Variants in APOC4 observed in about 807,000 individuals in gnomAD.
APOC4 encodes the protein apolipoprotein C4, also known as apolipoprotein C-IV.
Under a neutral mutation model 8.4 loss-of-function variants are expected in APOC4, and 10 were observed. The ratio of observed to expected loss-of-function variants is 1.19; its 90% confidence interval spans 0.74 to 2.03. The LOEUF (loss-of-function observed/expected upper bound fraction) is 2.03. APOC4 is among the 30% of genes most tolerant of loss of function. The pLI, the probability that APOC4 is intolerant of heterozygous loss-of-function variation, is 0.00. For missense variants in APOC4, 160 were observed against 156.1 expected (o/e 1.02, Z -0.13); for synonymous variants, 59 against 65.8 (o/e 0.90, Z 0.50).
chr19:44,942,446 G>A (rs868455165), intron 1 of APOC4, 93 bp downstream of exon 1: 1 of 1,277,794 alleles, frequency 7.8e-7, no homozygotes, highest in Middle Eastern at 1.9e-4. Flanking sequence ...CGTGAGACAT[G>A]AGTACGGAGT....
intron 1 of APOC4, among the ~76,000 whole-genome samples, chr19:44,942,719 G>A (rs1332865913): frequency 6.6e-6 from 1 of 151,710 alleles, no homozygotes; most frequent in East Asian, 1.9e-4. Context: ...GGGTGAGTGT[G>A]TGCTGGTGTG....
chr19:44,942,928 T>C (rs1970275725), intron 1 of APOC4, among the ~76,000 whole-genome samples: 1 of 146,308 alleles, frequency 6.8e-6, no homozygotes, highest in Non-Finnish European at 1.5e-5. Flanking sequence ...GCCTGGCTAA[T>C]TTTTTTTTTT....
Position 44,945,298 on chromosome 19 carries a change from A to G in APOC4, c.377A>G (p.Gln126Arg). 6.2e-7 allele frequency: 1 copy of G among 1,613,050 alleles called. No homozygotes were observed. The highest frequency in any genetic ancestry group is 1.1e-5 in the South Asian group (1 of 91,042). The change falls in exon 3 of 3, where the codon CAG (glutamine) becomes CGG (arginine). Residue 126 changes from glutamine (Q) to arginine (R), a missense_variant. Transcript: ENST00000592954. ...AGGCTTGTCTGTGGGGACAAGGACC[A>G]GGGTTAAAATGTTCATAAAAGCCAG... is the stretch of plus-strand genomic sequence containing the variant. The part of the protein sequence containing the change: ...CPRLVCGDKD[Q>R]G
At position 44,945,209 on chromosome 19, in the gene APOC4, C is replaced by T. The variant is rs757261220; in HGVS notation, c.288C>T (p.Leu96=). 9 of 1,614,076 alleles carry T rather than the reference C, an allele frequency of 5.6e-6. No individual in the cohort carries two copies. The highest frequency in any genetic ancestry group is 7.6e-6 in the Non-Finnish European group (9 of 1,179,992). Residue 96 remains leucine (L), a synonymous_variant, in exon 3 of 3, where the codon CTC becomes CTT. Transcript: ENST00000592954. ...YDDHLRDLGP[L]TKAWFLESKD... is the part of the protein sequence containing the mutation. ...ACCACCTGAGGGACCTGGGTCCGCT[C>T]ACCAAGGCCTGGTTCCTCGAATCCA... is the stretch of plus-strand genomic sequence containing the variant.
In APOC4 at chr19:44,945,487, C is replaced by G; in HGVS notation, c.*182C>G. ...TTCATACTTCTCCAATAAATAAAGT[C>G]TCACCTGTGTCCCTGTCTGGATCCT... On this transcript the variant is annotated 3_prime_UTR_variant, in exon 3 of 3. Coordinates refer to ENST00000592954, the MANE Select transcript of APOC4 (RefSeq NM_001646.3). 3 of 601,796 alleles carry G rather than the reference C, an allele frequency of 5.0e-6. No homozygotes were observed. The highest frequency in any genetic ancestry group is 8.4e-6 in the Non-Finnish European group (3 of 358,794). 37.3% of individuals were successfully genotyped at this position (601,796 alleles called of 1,614,324 possible). A position where few individuals can be genotyped will look rare whatever the true frequency, so the allele number is the denominator to read the frequency against.
intron 2 of APOC4, 88 bp downstream of exon 2, chr19:44,944,978 G>A: frequency 1.3e-6 from 2 of 1,529,130 alleles, no homozygotes. Context: ...GTCTCAGGGA[G>A]GAGGAAAGGG....
At chr19:44,945,109 G>A (rs1416567301) in intron 2 of APOC4, 31 bp from the exon 3 acceptor site, 3 of 1,603,264 alleles carry the variant, frequency 1.9e-6, no homozygotes, top group Non-Finnish European at 2.6e-6. Flanking sequence ...GGAGAGCTGG[G>A]GCCTCCACTG....
chr19:44,944,644 G>C, intron 1 of APOC4, 105 bp from the exon 2 acceptor site: 3 of 1,410,030 alleles, frequency 2.1e-6, no homozygotes, highest in South Asian at 2.9e-5. Flanking sequence ...CTGGCAGGGG[G>C]CTGCCCCTGG....
At position 44,945,313 on chromosome 19, in the gene APOC4, A is replaced by G. The variant is rs754286184; in HGVS notation, c.*8A>G. 8 of 1,611,142 alleles carry G rather than the reference A, an allele frequency of 5.0e-6. No homozygotes were observed. The highest frequency in any genetic ancestry group is 1.3e-5 in the African/African-American group (1 of 74,954). ...GACAAGGACCAGGGTTAAAATGTTC[A>G]TAAAAGCCAGGTGTGGTTGTGGCGG... is the stretch of plus-strand genomic sequence containing the variant. On this transcript the variant is annotated 3_prime_UTR_variant, in exon 3 of 3. Coordinates refer to ENST00000592954, the MANE Select transcript of APOC4 (RefSeq NM_001646.3).
chr19:44,942,300 T>A lies in APOC4; in HGVS notation c.23T>A (p.Leu8His), dbSNP rs534385106. Residue 8 changes from leucine to histidine, a missense_variant, in exon 1 of 3, where the codon CTC (leucine) becomes CAC (histidine). Transcript: ENST00000592954. MSLLRNR[L>H]QALPALCLCV... ...GAAATGTCCCTCCTCAGAAACAGGC[T>A]CCAGGCCCTGCCTGCCCTGTGCCTC... is the stretch of plus-strand genomic sequence containing the variant. 1.9e-6 allele frequency: 3 copies of A among 1,613,030 alleles called. No homozygotes were observed. In the African/African-American group the frequency reaches 4.0e-5, roughly 22 times the overall value.
intron 1 of APOC4, 120 bp from the exon 2 acceptor site, chr19:44,944,629 G>A (rs769339360): frequency 7.9e-7 from 1 of 1,267,706 alleles, no homozygotes. Context: ...CAGGAGGCAA[G>A]AGGACTGGCA....
Position 44,942,349 on chromosome 19 carries a change from TG to T in APOC4, c.76+1del, listed in dbSNP as rs1568631710. 3.7e-6 allele frequency: 6 copies of T among 1,613,098 alleles called. No homozygotes were observed. The highest frequency in any genetic ancestry group is 5.1e-6 in the Non-Finnish European group (6 of 1,179,620). ...CLCVLVLACI[G>X]ACQPEAQEGT... is the part of the protein sequence containing the mutation. ...TCTGCGTGCTGGTCCTGGCCTGCATTGGGGGTGAGAAGAAGTGGGTGGAGGG... is the reference window on the plus strand; with the variant it reads ...TCTGCGTGCTGGTCCTGGCCTGCATTGGGGTGAGAAGAAGTGGGTGGAGGG... On this transcript the variant is annotated frameshift_variant, in exon 1 of 3. Coordinates refer to ENST00000592954, the MANE Select transcript of APOC4 (RefSeq NM_001646.3). LOFTEE classifies it high-confidence loss of function.
Sources: gnomAD v4.1 joint callset for allele counts (sites outside exome capture counted in the v4.1 genomes callset) on GRCh38, gnomAD v4.1.1 for gene constraint, MANE v1.5 for transcripts, NCBI Gene and HGNC (gene_info 2026-07-23, HGNC 2026-07-21) for gene names.